The following TTLL3 variants were observed in gnomAD, a reference collection of about 807,000 sequenced individuals.
TTLL3 encodes the protein tubulin tyrosine ligase like 3.
A neutral mutation model predicts 75.2 loss-of-function variants in TTLL3; 63 were observed. The observed-to-expected ratio is 0.84, with a 90% CI of 0.68 to 1.03. The LOEUF (loss-of-function observed/expected upper bound fraction) is 1.03, where lower values mean the gene tolerates loss of function less well. Among genes scored for constraint, TTLL3 ranks in the 50% least tolerant of loss-of-function variants. The pLI, the probability that TTLL3 is intolerant of heterozygous loss-of-function variation, is 0.00. For missense variants in TTLL3, 997 were observed against 1,069.9 expected (o/e 0.93, Z 0.95); for synonymous variants, 393 against 418.5 (o/e 0.94, Z 0.74).
chr3:9,830,798 C>A lies in TTLL3; in HGVS notation c.1683+1403C>A, dbSNP rs115906641. On this transcript the variant is annotated intron_variant, in intron 11 of 13. Transcript: ENST00000685419. ...TATGTATATCTGCATTTTTCAAATG[C>A]CCCCCAAATATCTTTTTTTTTTGAG... is the stretch of plus-strand genomic sequence containing the variant. 1.4e-3 allele frequency among the ~76,000 whole-genome samples: 206 copies of A among 152,058 alleles called. 1 individual carries two copies. The highest frequency in any genetic ancestry group is 4.7e-3 in the African/African-American group (196 of 41,496).
chr3:9,828,786 A>C (rs2081283679), intron 10 of TTLL3, 174 bp from the exon 11 acceptor site: 1 of 811,664 alleles, frequency 1.2e-6, no homozygotes, highest in South Asian at 1.8e-5. Context: ...CTGGCCCTAG[A>C]AGAATGTGGT....
At chr3:9,827,344 C>G in intron 10 of TTLL3, 104 bp downstream of exon 10, 4 of 1,517,078 alleles carry the variant, frequency 2.6e-6, no homozygotes, top group Non-Finnish European at 3.5e-6. Flanking sequence ...GCGCTAGGCT[C>G]CACACACAGA....
chr3:9,809,816 C>G, upstream of TTLL3: 1 of 414,266 alleles, frequency 2.4e-6, no homozygotes, highest in East Asian at 3.8e-5. Context: ...CGGGGCCCAT[C>G]GCAGCCCCCA....
chr3:9,809,952 A>G (rs1017593401), upstream of TTLL3: 48 of 151,422 alleles, frequency 3.2e-4, no homozygotes, highest in Non-Finnish European at 4.7e-4. Flanking sequence ...GGAGGCGGCG[A>G]CGCGGAGGGG....
At position 9,810,288 on chromosome 3, in the gene TTLL3, C is replaced by T. The variant is rs1046674089; in HGVS notation, c.-148C>T. 1.3e-6 allele frequency: 2 copies of T among 1,500,660 alleles called. No homozygotes were observed. The highest frequency in any genetic ancestry group is 1.5e-5 in the African/African-American group (1 of 68,878). The allele number at this position is 1,500,660 out of a possible 1,614,324, so 93.0% of individuals were successfully genotyped here. ...GCCCCGCCCCTGCGCGCCGCCTCAGCGGCGCCTTCAAGACGCTGGTCCCAG... is the reference window on the plus strand; with the variant it reads ...GCCCCGCCCCTGCGCGCCGCCTCAGTGGCGCCTTCAAGACGCTGGTCCCAG... On this transcript the variant is annotated 5_prime_UTR_variant, in exon 1 of 14. Coordinates refer to ENST00000685419, the MANE Select transcript of TTLL3 (RefSeq NM_001387446.1). This position sits in a 1 kb window ranked among gnomAD's most constrained non-coding sequence, Gnocchi z 4.4.
At chr3:9,825,686 C>T (rs927153318) in intron 8 of TTLL3, 114 bp from the exon 9 acceptor site, 16 of 1,583,472 alleles carry the variant, frequency 1.0e-5, no homozygotes, top group East Asian at 9.2e-5. Context: ...GCAGGGAGGG[C>T]GTGACCAAGG....
At chr3:9,826,216 C>T (rs2081024786) in intron 9 of TTLL3, among the ~76,000 whole-genome samples, 1 of 152,200 alleles carries the variant, frequency 6.6e-6, no homozygotes. Flanking sequence ...ATTCCAAATC[C>T]TCAACGTGCT....
chr3:9,822,362 C>T (rs923609465), intron 8 of TTLL3, among the ~76,000 whole-genome samples: 26 of 152,006 alleles, frequency 1.7e-4, no homozygotes, highest in Admixed American at 1.0e-3. Context: ...CCACCGCGCC[C>T]GGCCATGAGT....
intron 7 of TTLL3, chr3:9,819,927 C>T: frequency 2.0e-6 from 2 of 985,754 alleles, no homozygotes; most frequent in Non-Finnish European, 2.4e-6. Flanking sequence ...GGTTTGAGGG[C>T]CTCAGTTGTA....
intron 6 of TTLL3, chr3:9,818,123 A>G (rs1210273669): frequency 7.7e-5 from 15 of 195,780 alleles, no homozygotes; most frequent in Admixed American, 7.6e-4. Flanking sequence ...AAGGCAGACT[A>G]GGTTCCGATT....
intron 10 of TTLL3, chr3:9,827,586 A>G (rs1192769445): frequency 1.1e-5 from 3 of 274,984 alleles, no homozygotes; most frequent in Non-Finnish European, 1.4e-5. Flanking sequence ...TAATGTAGAC[A>G]TGGGGTCTCA....
intron 9 of TTLL3, 21 bp downstream of exon 9, chr3:9,825,969 C>G: frequency 1.2e-6 from 2 of 1,608,428 alleles, no homozygotes; most frequent in Middle Eastern, 1.7e-4. Context: ...GCTCCTGCTT[C>G]CTGCACTGGC....
rs1421017938 is a variant in TTLL3 at position 9,813,101 on chromosome 3, CACT to C, written c.208_210del (p.Thr70del). The C allele has an allele frequency of 6.3e-7, 1 of 1,582,280 alleles. No homozygotes were observed. The highest frequency in any genetic ancestry group is 8.6e-7 in the Non-Finnish European group (1 of 1,161,280). On this transcript the variant is annotated inframe_deletion, in exon 3 of 14. Transcript: ENST00000685419. ...GCTCAGCGATGGGTGACAGTGACAC[CACT>C]GAGGATGGTGAGTGGTTCCTTCCCT...
chr3:9,816,180 G>C lies in TTLL3; in HGVS notation c.422G>C (p.Arg141Pro). 7.4e-7 allele frequency: 1 copy of C among 1,354,286 alleles called. No individual in the cohort carries two copies. The highest frequency in any genetic ancestry group is 9.8e-7 in the Non-Finnish European group (1 of 1,016,096). The allele number at this position is 1,354,286 out of a possible 1,614,324, so 83.9% of individuals were successfully genotyped here. ...SKDQMINHYA[R>P]AGSFTTKVGL... ...GATCAGATGATAAACCACTACGCCC[G>C]GGCTGGCTCCTTTACCACAAAGGTG... Residue 141 changes from arginine to proline, a missense_variant, in exon 5 of 14, where the codon CGG (arginine) becomes CCG (proline). Arg to Pro is a moderately radical substitution (Grantham distance 103). Coordinates refer to ENST00000685419, the MANE Select transcript of TTLL3 (RefSeq NM_001387446.1).
rs556618206 is a variant in TTLL3, at chr3:9,817,533, C to A, written c.445-112C>A. 345 of 1,578,578 alleles carry A rather than the reference C, an allele frequency of 2.2e-4. 4 individuals carry two copies. In the South Asian group the frequency reaches 3.7e-3, roughly 17 times the overall value. On this transcript the variant is annotated intron_variant, in intron 5 of 13. Transcript: ENST00000685419. ...ATAGATGTGAGCAACTCAGACCTTG[C>A]AAGCGGGGCCAAGGCTCTGAGCGCA...
rs762212367 is a variant in TTLL3, at chr3:9,816,119, C to T, written c.361C>T (p.Arg121Trp). The change falls in exon 5 of 14, where the codon CGG becomes TGG. Residue 121 changes from arginine to tryptophan, a missense_variant. By Grantham distance (101) the Arg-to-Trp change is moderately radical (BLOSUM62 -3). Coordinates refer to ENST00000685419, the MANE Select transcript of TTLL3 (RefSeq NM_001387446.1). ...GATCCCCTACTTCATCTGGACCACT[C>T]GGCGGGATGTGCTCGACTGTCGCTT... Reference protein sequence around the residue: ...NEIPYFIWTTRRDVLDCRFLS... With the variant: ...NEIPYFIWTTWRDVLDCRFLS... 4.4e-6 allele frequency: 6 copies of T among 1,350,214 alleles called. No homozygotes were observed. The highest frequency in any genetic ancestry group is 1.5e-5 in the African/African-American group (1 of 67,572). The allele number at this position is 1,350,214 out of a possible 1,614,324, so 83.6% of individuals were successfully genotyped here.
upstream of TTLL3, chr3:9,810,159 G>A (rs1423754691): frequency 1.4e-6 from 2 of 1,472,178 alleles, no homozygotes; most frequent in African/African-American, 1.5e-5. The surrounding 1 kb of genome is among the most constrained non-coding windows in gnomAD (Gnocchi z 4.4). Flanking sequence ...GTTTCCCCTC[G>A]GCGCGCCGCT....
At chr3:9,828,795 G>A in intron 10 of TTLL3, 165 bp from the exon 11 acceptor site, 1 of 876,750 alleles carries the variant, frequency 1.1e-6, no homozygotes, top group Non-Finnish European at 1.7e-6. Flanking sequence ...GAAGAATGTG[G>A]TGGGGCCCAG....
chr3:9,813,557 A>G (rs1423679509), intron 4 of TTLL3, among the ~76,000 whole-genome samples: 1 of 152,156 alleles, frequency 6.6e-6, no homozygotes, highest in African/African-American at 2.4e-5. Flanking sequence ...AGGTGGGAGG[A>G]TAACTTGAGG....
Sources: allele counts gnomAD v4.1 joint callset (sites outside exome capture counted in the v4.1 genomes callset), GRCh38; gene constraint gnomAD v4.1.1; non-coding constraint Gnocchi (gnomAD v3.1); transcripts MANE v1.5; gene names NCBI Gene and HGNC (gene_info 2026-07-23, HGNC 2026-07-21).